Variants in NOL7 observed in about 807,000 individuals in gnomAD.
NOL7 encodes the protein nucleolar protein 7, also known as U3 small nucleolar RNA-associated protein NOL7.
NOL7 carries 36 observed loss-of-function variants against 38.4 expected under a neutral mutation model. The ratio of observed to expected loss-of-function variants is 0.94; its 90% CI spans 0.72 to 1.24. The LOEUF (loss-of-function observed/expected upper bound fraction) is 1.24, where lower values mean the gene tolerates loss of function less well. NOL7 is among the 50% of genes most tolerant of loss of function. The pLI is 0.00. For synonymous variants in NOL7, 142 were observed against 126.5 expected (o/e 1.12, Z -0.82); for missense variants, 350 against 315.1 (o/e 1.11, Z -0.84).
At chr6:13,620,625 T>C (rs992743569) in intron 7 of NOL7, 129 bp from the exon 8 acceptor site, 4 of 978,752 alleles carry the variant, frequency 4.1e-6, no homozygotes, top group Middle Eastern at 3.2e-4. Flanking sequence ...CAGGTCAATG[T>C]AGTATGTATA....
downstream of NOL7, among the ~76,000 whole-genome samples, chr6:13,623,627 C>T (rs538538424): frequency 1.3e-5 from 2 of 152,080 alleles, no homozygotes; most frequent in East Asian, 3.9e-4. Context: ...TTATTTTGGC[C>T]AAAGGAAGCA....
intron 3 of NOL7, among the ~76,000 whole-genome samples, chr6:13,617,132 CA>C (rs1339779278): frequency 2.0e-5 from 3 of 151,950 alleles, no homozygotes; most frequent in African/African-American, 7.3e-5. Flanking sequence ...AAAACTTTAC[CA>C]AAGAGTTACT....
chr6:13,622,681 G>A (rs1764484363), downstream of NOL7, among the ~76,000 whole-genome samples: 1 of 152,164 alleles, frequency 6.6e-6, no homozygotes, highest in African/African-American at 2.4e-5. Flanking sequence ...AAGGTAGTGT[G>A]GGTATTGTGT....
chr6:13,622,483 T>C (rs544635680), downstream of NOL7: 19 of 1,570,166 alleles, frequency 1.2e-5, no homozygotes, highest in South Asian at 4.7e-5. Context: ...CTTTGGCAGA[T>C]TGTGGGTTTC....
intron 5 of NOL7, among the ~76,000 whole-genome samples, chr6:13,619,282 T>G (rs1055901227): frequency 1.3e-5 from 2 of 152,246 alleles, no homozygotes; most frequent in African/African-American, 4.8e-5. Flanking sequence ...TGGCCTTATC[T>G]TCTATTCTTA....
downstream of NOL7, chr6:13,622,259 C>T (rs1452632031): frequency 2.5e-6 from 3 of 1,222,670 alleles, no homozygotes; most frequent in South Asian, 3.0e-5. Flanking sequence ...AAACCTGTCC[C>T]CAGTACATAA....
rs544239906 is a variant in NOL7 at position 13,632,302 on chromosome 6, G to C, written n.574-91G>C. On this transcript the variant is annotated intron_variant and non_coding_transcript_variant, in intron 8 of 8. Coordinates refer to the NOL7 transcript ENST00000474485. ...ACAAGAATTTCTGGTACACTGCTCA[G>C]TGTTTCACAAAACTACATTTTAGTT... The C allele has an allele frequency of 6.0e-6, 9 of 1,508,292 alleles. 1 individual carries two copies. The South Asian group carries it at 1.0e-4, about 17-fold the overall frequency. 93.4% of individuals were successfully genotyped at this position (1,508,292 alleles called of 1,614,324 possible).
rs755860757 is a variant in NOL7 at position 13,615,616 on chromosome 6, C to A, written c.258C>A (p.Thr86=). ...AREEERRVRE[T]VRRDKTLLKE... is the part of the protein sequence containing the mutation. ...AAGAGGAGCGGCGAGTGCGGGAGACCGTGCGCAGGTTCGGAGCCCGCTGCC... is the reference window on the plus strand; with the variant it reads ...AAGAGGAGCGGCGAGTGCGGGAGACAGTGCGCAGGTTCGGAGCCCGCTGCC... Residue 86 remains threonine, a synonymous_variant, in exon 1 of 8, where the codon ACC becomes ACA. Coordinates refer to ENST00000451315, the MANE Select transcript of NOL7 (RefSeq NM_016167.5). The A allele has an allele frequency of 4.4e-6, 7 of 1,598,678 alleles. No homozygotes were observed. Among genetic ancestry groups the A allele is most frequent in the Non-Finnish European group, 6.0e-6 (7 of 1,171,574 alleles).
At chr6:13,626,654 C>T (rs1764613915), downstream of NOL7, among the ~76,000 whole-genome samples, 1 of 152,182 alleles carries the variant, frequency 6.6e-6, no homozygotes, top group Non-Finnish European at 1.5e-5. Context: ...ATTCAGAACA[C>T]TCTTACCAAT....
downstream of NOL7, among the ~76,000 whole-genome samples, chr6:13,622,691 T>C (rs1764484874): frequency 6.6e-6 from 1 of 152,210 alleles, no homozygotes; most frequent in African/African-American, 2.4e-5. Flanking sequence ...GGGTATTGTG[T>C]ATTCAACTAT....
chr6:13,620,748 T>A lies in NOL7; in HGVS notation c.701-6T>A. On this transcript the variant is annotated splice_region_variant and splice_polypyrimidine_tract_variant and intron_variant, in intron 7 of 7. Coordinates refer to ENST00000451315, the MANE Select transcript of NOL7 (RefSeq NM_016167.5). ...TATACTTACTGCAGAAAACTTTATA[T>A]TCTAGGAATCCAAAAAAAACAAAAT... The A allele has an allele frequency of 6.3e-7, 1 of 1,577,950 alleles. No individual in the cohort carries two copies. The highest frequency in any genetic ancestry group is 8.6e-7 in the Non-Finnish European group (1 of 1,159,250).
At chr6:13,630,173 A>C (rs182977592) in intron 8 of NOL7, among the ~76,000 whole-genome samples, 1 of 152,124 alleles carries the variant, frequency 6.6e-6, no homozygotes, top group Admixed American at 6.5e-5. Flanking sequence ...CTAGATCAAG[A>C]TAAGTTTGGG....
At chr6:13,620,164 T>A (rs200930358) in intron 5 of NOL7, 44 bp from the exon 6 acceptor site, 13 of 1,569,944 alleles carry the variant, frequency 8.3e-6, no homozygotes, top group South Asian at 1.2e-5. Flanking sequence ...AAAAAGAAAG[T>A]AAGCATGTGT....
chr6:13,620,993 GA>G lies in NOL7; in HGVS notation c.*171del. 2.2e-6 allele frequency: 1 copy of G among 460,616 alleles called. No homozygotes were observed. Among genetic ancestry groups the G allele is most frequent in the Non-Finnish European group, 3.9e-6 (1 of 255,760 alleles). 28.5% of individuals were successfully genotyped at this position (460,616 alleles called of 1,614,324 possible). On this transcript the variant is annotated 3_prime_UTR_variant, in exon 8 of 8. Transcript: ENST00000451315. ...AGAACTGTGCCTTGCAATCCTAGAGGAAAAAGTGGTTTAAGAAGGAATTGTT... is the reference window on the plus strand; with the variant it reads ...AGAACTGTGCCTTGCAATCCTAGAGGAAAAGTGGTTTAAGAAGGAATTGTT...
downstream of NOL7, among the ~76,000 whole-genome samples, chr6:13,623,469 T>TA (rs537107145): frequency 1.9e-4 from 29 of 152,120 alleles, 1 homozygote; most frequent in African/African-American, 6.3e-4. Flanking sequence ...ATTCAGGACT[T>TA]AAAGGTAGAA....
intron 8 of NOL7, among the ~76,000 whole-genome samples, chr6:13,631,620 C>G (rs1230012688): frequency 6.6e-6 from 1 of 152,182 alleles, no homozygotes; most frequent in Non-Finnish European, 1.5e-5. Flanking sequence ...AAACATTAGT[C>G]TCAAGGCCAC....
downstream of NOL7, among the ~76,000 whole-genome samples, chr6:13,623,395 T>C (rs1764512532): frequency 6.6e-6 from 1 of 152,128 alleles, no homozygotes; most frequent in African/African-American, 2.4e-5. Context: ...GGATGCAATT[T>C]GATGGTGGAA....
At chr6:13,622,149 G>T, downstream of NOL7, 1 of 354,854 alleles carries the variant, frequency 2.8e-6, no homozygotes, top group Non-Finnish European at 4.8e-6. Context: ...TTAACTCTTA[G>T]ACAACTAAGA....
chr6:13,630,843 A>ATT (rs879343525), intron 8 of NOL7, among the ~76,000 whole-genome samples: 1 of 144,876 alleles, frequency 6.9e-6, no homozygotes. Flanking sequence ...TCATTTTTCT[A>ATT]TTTTTTTTTT....
Sources: allele counts gnomAD v4.1 joint callset (sites outside exome capture counted in the v4.1 genomes callset), GRCh38; gene constraint gnomAD v4.1.1; transcripts MANE v1.5; gene names NCBI Gene and HGNC (gene_info 2026-07-23, HGNC 2026-07-21).